The following JPH2 variants were observed in gnomAD, a reference collection of about 807,000 sequenced individuals.
JPH2 encodes the protein junctophilin 2, also known as junctophilin-2.
Under a neutral mutation model 55.9 loss-of-function variants are expected in JPH2, and 38 were observed. That is an observed-to-expected ratio of 0.68 (90% CI 0.52 to 0.89). The LOEUF is 0.89. Ranked by LOEUF, JPH2 falls within the 40% of genes least tolerant of loss-of-function variation. The pLI is 0.00. For synonymous variants in JPH2, 480 were observed against 472.4 expected (o/e 1.02, Z -0.21); for missense variants, 964 against 1,037.6 (o/e 0.93, Z 0.97).
At chr20:44,134,126 T>TAA (rs1426349209) in intron 2 of JPH2, among the ~76,000 whole-genome samples, 1 of 37,062 alleles carries the variant, frequency 2.7e-5, no homozygotes, top group Non-Finnish European at 4.5e-5. Flanking sequence ...TAAATATTTA[T>TAA]TATAAATATA....
At chr20:44,116,564 T>G (rs2072194558) in intron 3 of JPH2, among the ~76,000 whole-genome samples, 178 bp from the exon 4 acceptor site, 1 of 152,298 alleles carries the variant, frequency 6.6e-6, no homozygotes, top group Non-Finnish European at 1.5e-5. Flanking sequence ...CTAATCCCTG[T>G]AGTATCCCTA....
chr20:44,127,247 A>G (rs1398017095), intron 2 of JPH2, among the ~76,000 whole-genome samples: 1 of 152,198 alleles, frequency 6.6e-6, no homozygotes, highest in East Asian at 1.9e-4. Flanking sequence ...TTTGGTTACT[A>G]TGAATAATGC....
chr20:44,181,530 T>C (rs984219538), intron 1 of JPH2, among the ~76,000 whole-genome samples: 1 of 152,240 alleles, frequency 6.6e-6, no homozygotes. Flanking sequence ...TGCGTTGTCC[T>C]CTCCAGTTTG....
chr20:44,145,583 G>A (rs1348408654), intron 2 of JPH2, among the ~76,000 whole-genome samples: 8 of 149,296 alleles, frequency 5.4e-5, no homozygotes, highest in Non-Finnish European at 1.0e-4. Flanking sequence ...TAGCCTGAGC[G>A]ACAGAGTGAA....
At chr20:44,113,679 C>T (rs1486240173) in intron 5 of JPH2, among the ~76,000 whole-genome samples, 176 bp from the exon 6 acceptor site, 1 of 152,190 alleles carries the variant, frequency 6.6e-6, no homozygotes, top group East Asian at 1.9e-4. Flanking sequence ...ACAAACGGGT[C>T]CCCGAGGCCT....
chr20:44,175,156 T>G (rs565936445), intron 1 of JPH2, among the ~76,000 whole-genome samples: 14 of 152,306 alleles, frequency 9.2e-5, no homozygotes, highest in Admixed American at 2.6e-4. Context: ...CCTGCCAATT[T>G]GCAACTGTAT....
chr20:44,171,854 T>C (rs2040445378), intron 1 of JPH2, among the ~76,000 whole-genome samples: 1 of 152,256 alleles, frequency 6.6e-6, no homozygotes, highest in South Asian at 2.1e-4. Context: ...AATTGTTAGA[T>C]GCCGGTCTCT....
At chr20:44,134,456 T>TTATATATATA (rs2072375396) in intron 2 of JPH2, among the ~76,000 whole-genome samples, 1 of 21,758 alleles carries the variant, frequency 4.6e-5, no homozygotes, top group South Asian at 1.9e-3. Context: ...TATATATTTA[T>TTATATATATA]TATAAATATA....
At chr20:44,151,964 G>C (rs1323851168) in intron 2 of JPH2, among the ~76,000 whole-genome samples, 1 of 152,126 alleles carries the variant, frequency 6.6e-6, no homozygotes, top group African/African-American at 2.4e-5. Flanking sequence ...CCCCTGCAGG[G>C]AGCTTTCCCA....
At chr20:44,117,056 G>A (rs2072198203) in intron 3 of JPH2, among the ~76,000 whole-genome samples, 1 of 152,196 alleles carries the variant, frequency 6.6e-6, no homozygotes, top group Non-Finnish European at 1.5e-5. Context: ...CGAGGCGCGC[G>A]GATCACAAGG....
chr20:44,142,538 C>T (rs183909775), intron 2 of JPH2, among the ~76,000 whole-genome samples: 1 of 152,292 alleles, frequency 6.6e-6, no homozygotes, highest in African/African-American at 2.4e-5. Flanking sequence ...CGGGCAGCTC[C>T]CCCTGACGCA....
chr20:44,149,748 GCA>G (rs2072517994), intron 2 of JPH2, among the ~76,000 whole-genome samples: 1 of 152,190 alleles, frequency 6.6e-6, no homozygotes, highest in Non-Finnish European at 1.5e-5. Flanking sequence ...GGAGGCCGAA[GCA>G]GTGGGTCACT....
At chr20:44,157,013 C>G (rs184213023) in intron 2 of JPH2, among the ~76,000 whole-genome samples, 2 of 152,334 alleles carry the variant, frequency 1.3e-5, no homozygotes, top group Admixed American at 6.5e-5. Context: ...CACTTGCTTG[C>G]CAGGTAGTCT....
At chr20:44,177,023 C>A in intron 1 of JPH2, 1 of 985,408 alleles carries the variant, frequency 1.0e-6, no homozygotes, top group Non-Finnish European at 1.2e-6. Context: ...GCAGGGGTCA[C>A]TCTGGAGTTC....
intron 2 of JPH2, among the ~76,000 whole-genome samples, chr20:44,157,560 C>T (rs2072574587): frequency 6.6e-6 from 1 of 152,216 alleles, no homozygotes; most frequent in African/African-American, 2.4e-5. Context: ...GAACTCACCT[C>T]ACAATAGGAT....
chr20:44,130,317 A>C (rs2072308622), intron 2 of JPH2, among the ~76,000 whole-genome samples: 1 of 152,200 alleles, frequency 6.6e-6, no homozygotes, highest in African/African-American at 2.4e-5. Context: ...GCCTCAGCCC[A>C]GTCTTGTCCC....
At chr20:44,116,478 T>TG in intron 3 of JPH2, 92 bp from the exon 4 acceptor site, 1 of 1,426,950 alleles carries the variant, frequency 7.0e-7, no homozygotes, top group Non-Finnish European at 9.5e-7. Flanking sequence ...GCCTCATTCA[T>TG]GGGCTCAGTC....
rs1023591178 is a variant in JPH2 at position 44,109,046 on chromosome 20, C to G, written c.*4472G>C. ...CCACTAATATCCAATAGACAAATGT[C>G]CCCTGCCACATCCCTGTTGACTAGC... On this transcript the variant is annotated 3_prime_UTR_variant, in exon 6 of 6. Transcript: ENST00000372980. 6.6e-6 allele frequency among the ~76,000 whole-genome samples: 1 copy of G among 152,168 alleles called. No homozygotes were observed. The highest frequency in any genetic ancestry group is 2.4e-5 in the African/African-American group (1 of 41,442).
intron 2 of JPH2, among the ~76,000 whole-genome samples, chr20:44,148,852 A>G (rs534681989): frequency 2.6e-5 from 4 of 152,136 alleles, no homozygotes; most frequent in Admixed American, 6.5e-5. Context: ...TCATGAGGTC[A>G]GGAGATCGAG....
Sources: allele counts gnomAD v4.1 joint callset (sites outside exome capture counted in the v4.1 genomes callset), GRCh38; gene constraint gnomAD v4.1.1; transcripts MANE v1.5; gene names NCBI Gene and HGNC (gene_info 2026-07-23, HGNC 2026-07-21).